Variants in CBLB observed in about 807,000 individuals in gnomAD.
CBLB encodes E3 ubiquitin-protein ligase CBL-B.
In CBLB, 31 loss-of-function variants were observed where a neutral mutation model predicts 104.9. The ratio of observed to expected loss-of-function variants is 0.30; its 90% confidence interval spans 0.22 to 0.40. CBLB has a LOEUF of 0.40. Among genes scored for constraint, CBLB ranks in the 10% least tolerant of loss-of-function variants. The pLI is 1.00. For missense variants in CBLB, 1,062 were observed against 1,214.6 expected (o/e 0.87, Z 1.87); for synonymous variants, 440 against 422.6 (o/e 1.04, Z -0.51).
Position 105,704,084 on chromosome 3 carries a change from G to C in CBLB, c.1497C>G (p.Ile499Met), listed in dbSNP as rs1156317192. ...GCACGGGTGGCAGGCTTAGATGTGG[G>C]ATCTGGAGTGGGTCAGGCTGTGGCT... ...RRKPQPDPLQ[I>M]PHLSLPPVPP... Residue 499 changes from isoleucine (I) to methionine (M), a missense_variant, in exon 11 of 19, where the codon ATC becomes ATG. By Grantham distance (10) the Ile-to-Met change is conservative. This residue lies in a region of CBLB where 457 missense variants were observed against 632.0 expected (regional missense o/e 0.72). Coordinates refer to ENST00000394030, the MANE Select transcript of CBLB (RefSeq NM_170662.5). 6.2e-7 allele frequency: 1 copy of C among 1,614,170 alleles called. No homozygotes were observed. Among genetic ancestry groups the C allele is most frequent in the South Asian group, 1.1e-5 (1 of 91,086 alleles).
At chr3:105,795,549 C>A (rs559232039) in intron 3 of CBLB, among the ~76,000 whole-genome samples, 54 of 152,202 alleles carry the variant, frequency 3.5e-4, no homozygotes, top group Admixed American at 1.3e-3. Context: ...ACTTCTGCAC[C>A]CTTAACATTA....
chr3:105,779,392 C>T (rs2079870686), intron 3 of CBLB, among the ~76,000 whole-genome samples: 1 of 152,118 alleles, frequency 6.6e-6, no homozygotes, highest in Non-Finnish European at 1.5e-5. Flanking sequence ...TGGATCACCA[C>T]AATTTTATTT....
At position 105,745,947 on chromosome 3, in the gene CBLB, C is replaced by T. The variant is rs202224794; in HGVS notation, c.815G>A (p.Arg272Gln). Reference protein sequence around the residue: ...AFLTYDEVKARLQKYSTKPGS... With the variant: ...AFLTYDEVKAQLQKYSTKPGS... ...GGGTTTGGTGCTATATTTCTGTAGTCGTGCTTTAACTTCATCATATGTGAG... is the reference window on the plus strand; with the variant it reads ...GGGTTTGGTGCTATATTTCTGTAGTTGTGCTTTAACTTCATCATATGTGAG... The change falls in exon 6 of 19, where the codon CGA becomes CAA. Residue 272 changes from arginine (R) to glutamine (Q), a missense_variant. By Grantham distance (43) the Arg-to-Gln change is conservative. Transcript: ENST00000394030. The T allele has an allele frequency of 1.1e-4, 173 of 1,611,962 alleles. No homozygotes were observed. The highest frequency in any genetic ancestry group is 1.3e-4 in the Non-Finnish European group (153 of 1,178,388).
chr3:105,761,156 G>A (rs768582694), intron 4 of CBLB, among the ~76,000 whole-genome samples: 27 of 152,118 alleles, frequency 1.8e-4, no homozygotes, highest in African/African-American at 3.9e-4. Context: ...CCTCAGCCTC[G>A]TTAAGTAGCT....
chr3:105,714,488 A>G lies in CBLB; in HGVS notation c.1407+5559T>C, dbSNP rs1211751218. 3.3e-5 allele frequency among the ~76,000 whole-genome samples: 5 copies of G among 152,200 alleles called. No homozygotes were observed. In the East Asian group the frequency reaches 9.6e-4, roughly 29 times the overall value. On this transcript the variant is annotated intron_variant, in intron 10 of 18. Transcript: ENST00000394030. ...GGGTGATGGGAGACAGTGACAGATC[A>G]TCAGGCATTAGATTCTCCTAATAAG...
intron 10 of CBLB, 52 bp from the exon 11 acceptor site, chr3:105,704,225 TC>T: frequency 6.6e-7 from 1 of 1,526,368 alleles, no homozygotes; most frequent in East Asian, 2.3e-5. Context: ...TGCAGAGTGT[TC>T]TCTGTTCTTA....
At chr3:105,795,324 A>G (rs1214498475) in intron 3 of CBLB, among the ~76,000 whole-genome samples, 5 of 152,250 alleles carry the variant, frequency 3.3e-5, no homozygotes, top group Admixed American at 3.3e-4. Context: ...ATAAGGATGA[A>G]TCTCACCATC....
At chr3:105,820,739 C>T (rs1198024289) in intron 3 of CBLB, among the ~76,000 whole-genome samples, 1 of 151,920 alleles carries the variant, frequency 6.6e-6, no homozygotes, top group Non-Finnish European at 1.5e-5. Context: ...ATTTTATACC[C>T]TAAAATCAAG....
intron 3 of CBLB, among the ~76,000 whole-genome samples, chr3:105,813,774 T>C (rs933240366): frequency 6.6e-6 from 1 of 152,134 alleles, no homozygotes; most frequent in Non-Finnish European, 1.5e-5. Context: ...TTGTTAGACC[T>C]ACACCAAAAA....
At chr3:105,736,797 A>G (rs1323964770) in intron 8 of CBLB, among the ~76,000 whole-genome samples, 1 of 152,122 alleles carries the variant, frequency 6.6e-6, no homozygotes, top group African/African-American at 2.4e-5. Context: ...TTAGAAAAAC[A>G]TAATTGTTAT....
rs1031754630 is a variant in CBLB at position 105,826,916 on chromosome 3, CTA to C, written c.419+26496_419+26497del. Among the ~76,000 whole-genome samples, 144 of 152,298 alleles carry C rather than the reference CTA, an allele frequency of 9.5e-4. 1 individual carries two copies. The highest frequency in any genetic ancestry group is 3.4e-3 in the African/African-American group (143 of 41,562). The stretch of plus-strand genomic sequence containing the variant: ...ATAAATGAATCCCAGGCAAGAAAGA[CTA>C]TGTGTGTTCACTCCCTGGTTTTCTT... On this transcript the variant is annotated intron_variant, in intron 3 of 18. Coordinates refer to ENST00000394030, the MANE Select transcript of CBLB (RefSeq NM_170662.5).
chr3:105,772,987 T>C (rs1560175197), intron 4 of CBLB, among the ~76,000 whole-genome samples: 1 of 152,190 alleles, frequency 6.6e-6, no homozygotes, highest in Non-Finnish European at 1.5e-5. Context: ...GGAGACTCTT[T>C]AAAGAACTAA....
chr3:105,823,015 C>T (rs116817986), intron 3 of CBLB, among the ~76,000 whole-genome samples: 27 of 152,200 alleles, frequency 1.8e-4, no homozygotes, highest in African/African-American at 6.3e-4. Flanking sequence ...TTATAGAATC[C>T]GTTCAATGCC....
intron 4 of CBLB, among the ~76,000 whole-genome samples, chr3:105,755,475 A>G (rs2077004793): frequency 6.7e-6 from 1 of 149,040 alleles, no homozygotes; most frequent in African/African-American, 2.5e-5. Context: ...AAGAATGGAA[A>G]ATAGAAAGTG....
At chr3:105,784,041 C>G (rs578158486) in intron 3 of CBLB, among the ~76,000 whole-genome samples, 1 of 152,230 alleles carries the variant, frequency 6.6e-6, no homozygotes, top group South Asian at 2.1e-4. Flanking sequence ...TGGTTTTAAT[C>G]CGGAAAATCT....
At chr3:105,677,594 C>G (rs1458042879) in intron 17 of CBLB, among the ~76,000 whole-genome samples, 3 of 151,616 alleles carry the variant, frequency 2.0e-5, no homozygotes, top group Non-Finnish European at 2.9e-5. Flanking sequence ...TCCAAGGAGG[C>G]AAAGGTTTCA....
Position 105,751,574 on chromosome 3 carries a change from A to G in CBLB, c.611T>C (p.Val204Ala). 6.2e-7 allele frequency: 1 copy of G among 1,612,748 alleles called. No homozygotes were observed. The highest frequency in any genetic ancestry group is 2.2e-5 in the East Asian group (1 of 44,866). ...TTCCAGGCCAGAGCTAATCTGGTGG[A>G]CCTCATGAAGGCACTGTCTGAATAC... ...WKVFRQCLHE[V>A]HQISSGLEAM... Residue 204 changes from valine (V) to alanine (A), a missense_variant, in exon 5 of 19, where the codon GTC (valine) becomes GCC (alanine). By Grantham distance (64) the Val-to-Ala change is moderately conservative (BLOSUM62 0). Around this residue, in one of 2 missense-constraint regions of CBLB, gnomAD observed 457 missense variants for 632.0 expected, o/e 0.72. Coordinates refer to ENST00000394030, the MANE Select transcript of CBLB (RefSeq NM_170662.5).
chr3:105,665,810 C>T (rs955761326), intron 18 of CBLB, among the ~76,000 whole-genome samples: 4 of 151,276 alleles, frequency 2.6e-5, no homozygotes, highest in Admixed American at 6.6e-5. Flanking sequence ...GTGGGCGGAT[C>T]ACAAGGTCAA....
intron 2 of CBLB, among the ~76,000 whole-genome samples, chr3:105,863,655 T>C (rs2092260162): frequency 6.6e-6 from 1 of 152,160 alleles, no homozygotes; most frequent in Admixed American, 6.5e-5. Flanking sequence ...ATGATCACAA[T>C]TAAATTAAAA....
Sources: gnomAD v4.1 joint callset for allele counts (sites outside exome capture counted in the v4.1 genomes callset) on GRCh38, gnomAD v4.1.1 for gene constraint, gnomAD v4.1.1 regional missense constraint, MANE v1.5 for transcripts, NCBI Gene and HGNC (gene_info 2026-07-23, HGNC 2026-07-21) for gene names.